The following SEMA3B variants were observed in gnomAD, a reference collection of about 807,000 sequenced individuals.
SEMA3B encodes the protein semaphorin 3B, also known as semaphorin-3B.
In SEMA3B, 71 loss-of-function variants were observed where a neutral mutation model predicts 77.8. The ratio of observed to expected loss-of-function variants is 0.91; its 90% confidence interval spans 0.75 to 1.11. The LOEUF (loss-of-function observed/expected upper bound fraction) is 1.11. SEMA3B is among the 50% of genes most tolerant of loss of function. The probability of loss-of-function intolerance (pLI) is 0.00; values close to 1 mark genes in which losing one functional copy is unlikely to be tolerated. For missense variants in SEMA3B, 968 were observed against 1,056.8 expected (o/e 0.92, Z 1.17); for synonymous variants, 470 against 452.9 (o/e 1.04, Z -0.48).
chr3:50,269,981 C>A lies in SEMA3B; in HGVS notation c.110-146C>A. ...GTGCACCTGGGTGGGCTTGGGTTTG[C>A]GTGTGTAAACTCACACACATGTAAA... is the stretch of plus-strand genomic sequence containing the variant. On this transcript the variant is annotated intron_variant, in intron 1 of 16. Coordinates refer to ENST00000616701, the MANE Select transcript of SEMA3B (RefSeq NM_001290060.2). This position sits in a 1 kb window ranked among gnomAD's most constrained non-coding sequence, Gnocchi z 4.0. 2 of 851,438 alleles carry A rather than the reference C, an allele frequency of 2.3e-6. No homozygotes were observed. Among genetic ancestry groups the A allele is most frequent in the Non-Finnish European group, 3.4e-6 (2 of 585,284 alleles). The allele number at this position is 851,438 out of a possible 1,614,324, so 52.7% of individuals were successfully genotyped here. A position where few individuals can be genotyped will look rare whatever the true frequency, so the allele number is the denominator to read the frequency against.
Position 50,276,268 on chromosome 3 carries a change from G to T in SEMA3B, c.1846-34G>T. 6.9e-7 allele frequency: 1 copy of T among 1,445,718 alleles called. No homozygotes were observed. Among genetic ancestry groups the T allele is most frequent in the South Asian group, 1.4e-5 (1 of 71,152 alleles). The allele number at this position is 1,445,718 out of a possible 1,614,324, so 89.6% of individuals were successfully genotyped here. A position where few individuals can be genotyped will look rare whatever the true frequency, so the allele number is the denominator to read the frequency against. ...GGCCCGGAAGCCCTGTTCCCGGCCC[G>T]ACACCCCCGCCTCACGCTGCCCTCT... On this transcript the variant is annotated intron_variant, in intron 16 of 16. Coordinates refer to ENST00000616701, the MANE Select transcript of SEMA3B (RefSeq NM_001290060.2). The surrounding 1 kb of genome is among the most constrained non-coding windows in gnomAD (Gnocchi z 5.8).
Position 50,271,498 on chromosome 3 carries a change from T to A in SEMA3B, c.664+18T>A. Reference sequence around the variant, plus strand: ...GCTCAATGGTGAGAGGCTGGTGGGGTTGGTGGGTAGAGGTCGTCACCCTCC... The same window carrying A: ...GCTCAATGGTGAGAGGCTGGTGGGGATGGTGGGTAGAGGTCGTCACCCTCC... On this transcript the variant is annotated intron_variant, in intron 6 of 16. Coordinates refer to ENST00000616701, the MANE Select transcript of SEMA3B (RefSeq NM_001290060.2). 6.4e-7 allele frequency: 1 copy of A among 1,554,174 alleles called. No individual in the cohort carries two copies. Among genetic ancestry groups the A allele is most frequent in the Non-Finnish European group, 8.7e-7 (1 of 1,148,790 alleles).
chr3:50,274,972 C>G lies in SEMA3B; in HGVS notation c.1449+38C>G. On this transcript the variant is annotated intron_variant, in intron 12 of 16. Transcript: ENST00000616701. The surrounding 1 kb of genome is among the most constrained non-coding windows in gnomAD (Gnocchi z 4.7). ...CCCCAGTCGCCCGGGACCCCCCCAC[C>G]CCACTAAGCCCTGACCCCGTCGCCC... is the stretch of plus-strand genomic sequence containing the variant. 1.3e-6 allele frequency: 2 copies of G among 1,598,054 alleles called. No homozygotes were observed. The highest frequency in any genetic ancestry group is 1.7e-6 in the Non-Finnish European group (2 of 1,172,472).
upstream of SEMA3B, chr3:50,263,482 A>G (rs1700857149): frequency 6.8e-6 from 1 of 146,002 alleles, no homozygotes; most frequent in Non-Finnish European, 1.5e-5. Context: ...CTGGGTGGCA[A>G]AGCAAGATCC....
Position 50,269,800 on chromosome 3 carries a change from C to G in SEMA3B, c.110-327C>G, listed in dbSNP as rs1238821733. Among the ~76,000 whole-genome samples the G allele has an allele frequency of 1.3e-5, 2 of 152,088 alleles. No individual in the cohort carries two copies. The highest frequency in any genetic ancestry group is 2.9e-5 in the Non-Finnish European group (2 of 68,000). On this transcript the variant is annotated intron_variant, in intron 1 of 16. Transcript: ENST00000616701. The surrounding 1 kb of genome is among the most constrained non-coding windows in gnomAD (Gnocchi z 4.0). ...TGACTTTTGGGAGTTGGGGTTCTGG[C>G]CATCCCTGCATGCCAGTCTCCCCCA...
In SEMA3B at chr3:50,276,804, T is replaced by TG. The variant is rs1475793666; in HGVS notation, c.*103dup. ...AAGGACGGGTTGGGGCCGGGCACAT[T>TG]GGGGGTCACCGGCCGATGGAGACAC... On this transcript the variant is annotated 3_prime_UTR_variant, in exon 17 of 17. Coordinates refer to ENST00000616701, the MANE Select transcript of SEMA3B (RefSeq NM_001290060.2). This position sits in a 1 kb window ranked among gnomAD's most constrained non-coding sequence, Gnocchi z 5.8. 17 of 1,349,326 alleles carry TG rather than the reference T, an allele frequency of 1.3e-5. No homozygotes were observed. In the South Asian group the frequency reaches 1.3e-4, roughly 10 times the overall value. The allele number at this position is 1,349,326 out of a possible 1,614,324, so 83.6% of individuals were successfully genotyped here.
Position 50,273,128 on chromosome 3 carries a change from T to G in SEMA3B, c.665-170T>G. 9.1e-7 allele frequency: 1 copy of G among 1,094,720 alleles called. No individual in the cohort carries two copies. Among genetic ancestry groups the G allele is most frequent in the East Asian group, 2.7e-5 (1 of 37,154 alleles). 67.8% of individuals were successfully genotyped at this position (1,094,720 alleles called of 1,614,324 possible). A position where few individuals can be genotyped will look rare whatever the true frequency, so the allele number is the denominator to read the frequency against. ...TCTTGCCTCGCAGGCCCTGATCCTT[T>G]GGATTCGGTCCGCGCAGAGCGCCAA... On this transcript the variant is annotated intron_variant, in intron 6 of 16. Transcript: ENST00000616701. This position sits in a 1 kb window ranked among gnomAD's most constrained non-coding sequence, Gnocchi z 6.5.
At position 50,271,003 on chromosome 3, in the gene SEMA3B, G is replaced by A. The variant is rs782254357; in HGVS notation, c.444G>A (p.Arg148=). The A allele has an allele frequency of 6.2e-7, 1 of 1,603,166 alleles. No individual in the cohort carries two copies. The highest frequency in any genetic ancestry group is 1.7e-5 in the Admixed American group (1 of 58,178). ...PTCAFVEVGH[R]AEEPVLRLDP... is the part of the protein sequence containing the mutation. ...GTGCCTTTGTGGAAGTGGGCCACCGGGCAGAGGTAAGGCCGGATCTAGGCA... is the reference window on the plus strand; with the variant it reads ...GTGCCTTTGTGGAAGTGGGCCACCGAGCAGAGGTAAGGCCGGATCTAGGCA... Residue 148 remains arginine (R), a synonymous_variant, in exon 4 of 17, where the codon CGG becomes CGA. Transcript: ENST00000616701.
chr3:50,267,379 C>T (rs1553704614), upstream of SEMA3B: 1 of 152,966 alleles, frequency 6.5e-6, no homozygotes, highest in Non-Finnish European at 1.5e-5. This position sits in a 1 kb window ranked among gnomAD's most constrained non-coding sequence, Gnocchi z 5.7. Context: ...GTTTCTTCCT[C>T]CCTTGCCTTG....
Position 50,276,272 on chromosome 3 carries a change from C to G in SEMA3B, c.1846-30C>G. 6.9e-7 allele frequency: 1 copy of G among 1,453,312 alleles called. No individual in the cohort carries two copies. Among genetic ancestry groups the G allele is most frequent in the Non-Finnish European group, 9.0e-7 (1 of 1,106,956 alleles). 90.0% of individuals were successfully genotyped at this position (1,453,312 alleles called of 1,614,324 possible). ...CGGAAGCCCTGTTCCCGGCCCGACACCCCCGCCTCACGCTGCCCTCTGCCC... is the reference window on the plus strand; with the variant it reads ...CGGAAGCCCTGTTCCCGGCCCGACAGCCCCGCCTCACGCTGCCCTCTGCCC... On this transcript the variant is annotated intron_variant, in intron 16 of 16. Transcript: ENST00000616701. This position sits in a 1 kb window ranked among gnomAD's most constrained non-coding sequence, Gnocchi z 5.8.
chr3:50,267,564 T>TACGGC (rs1482494893), upstream of SEMA3B: 34 of 152,412 alleles, frequency 2.2e-4, no homozygotes, highest in African/African-American at 4.1e-4. The surrounding 1 kb of genome is among the most constrained non-coding windows in gnomAD (Gnocchi z 5.7). Context: ...CTCTAAACTT[T>TACGGC]ACGGCACGGC....
Position 50,270,103 on chromosome 3 carries a change from C to T in SEMA3B, c.110-24C>T. On this transcript the variant is annotated intron_variant, in intron 1 of 16. Coordinates refer to ENST00000616701, the MANE Select transcript of SEMA3B (RefSeq NM_001290060.2). The surrounding 1 kb of genome is among the most constrained non-coding windows in gnomAD (Gnocchi z 4.7). The stretch of plus-strand genomic sequence containing the variant: ...GAGGCTTCCAGCATGGCTGGCGAGT[C>T]ATCAGCAGTGTCCTGCCCTGCAGAG... 1 of 1,518,518 alleles carries T rather than the reference C, an allele frequency of 6.6e-7. No individual in the cohort carries two copies. Among genetic ancestry groups the T allele is most frequent in the Non-Finnish European group, 8.8e-7 (1 of 1,130,642 alleles). 94.1% of individuals were successfully genotyped at this position (1,518,518 alleles called of 1,614,324 possible). A position where few individuals can be genotyped will look rare whatever the true frequency, so the allele number is the denominator to read the frequency against.
chr3:50,261,192 C>G, the SEMA3B span: 1 of 152,418 alleles, frequency 6.6e-6, no homozygotes, highest in Non-Finnish European at 1.5e-5. Flanking sequence ...TCCCCAGAGC[C>G]CTCCCAGCCT....
chr3:50,275,718 C>T lies in SEMA3B; in HGVS notation c.1719C>T (p.Pro573=), dbSNP rs782276704. 16 of 1,612,412 alleles carry T rather than the reference C, an allele frequency of 9.9e-6. No individual in the cohort carries two copies. In the South Asian group the frequency reaches 1.6e-4, roughly 17 times the overall value. ...STLCSGDSSR[P]ALLEHKVFGV... is the part of the protein sequence containing the mutation. The stretch of plus-strand genomic sequence containing the variant: ...TCTCGCCCCAAGACTCGTCTCGTCC[C>T]GCGCTGCTGGAACACAAGGTGTTCG... The change falls in exon 16 of 17, where the codon CCC becomes CCT. Residue 573 remains proline, a synonymous_variant. Coordinates refer to ENST00000616701, the MANE Select transcript of SEMA3B (RefSeq NM_001290060.2). This position sits in a 1 kb window ranked among gnomAD's most constrained non-coding sequence, Gnocchi z 7.5.
At chr3:50,264,608 T>C (rs1389974189), upstream of SEMA3B, among the ~76,000 whole-genome samples, 13 of 152,280 alleles carry the variant, frequency 8.5e-5, no homozygotes, top group African/African-American at 3.1e-4. Context: ...CAGAGCCCCA[T>C]ACCCAGTACT....
intron 6 of SEMA3B, 100 bp downstream of exon 6, chr3:50,271,580 G>A: frequency 6.7e-7 from 1 of 1,499,764 alleles, no homozygotes; most frequent in Non-Finnish European, 9.0e-7. Flanking sequence ...GTGTGGCCAG[G>A]TCTTACCAAA....
In SEMA3B at chr3:50,276,571, C is replaced by T; in HGVS notation, c.2115C>T (p.Asn705=). 1.3e-6 allele frequency: 2 copies of T among 1,547,590 alleles called. No homozygotes were observed. The highest frequency in any genetic ancestry group is 8.7e-7 in the Non-Finnish European group (1 of 1,151,884). The change falls in exon 17 of 17, where the codon AAC becomes AAT. Residue 705 remains asparagine, a synonymous_variant. Transcript: ENST00000616701. The surrounding 1 kb of genome is among the most constrained non-coding windows in gnomAD (Gnocchi z 5.8). ...LVEPGGGGSA[N]SLRMCRPQPA... is the part of the protein sequence containing the mutation. The stretch of plus-strand genomic sequence containing the variant: ...AGCCGGGCGGAGGTGGCAGCGCGAA[C>T]TCCCTGCGCATGTGCCGCCCGCAGC...
upstream of SEMA3B, chr3:50,268,892 A>C: frequency 3.4e-6 from 1 of 297,176 alleles, no homozygotes; most frequent in East Asian, 9.0e-5. Flanking sequence ...CACATTGTGA[A>C]TTAATGTCTG....
chr3:50,270,057 A>C lies in SEMA3B; in HGVS notation c.110-70A>C. The stretch of plus-strand genomic sequence containing the variant: ...AATGGCAACCTTGGCCGATAGAGTC[A>C]CCACCAGGCAGGACCTGGGGGAGGC... On this transcript the variant is annotated intron_variant, in intron 1 of 16. Transcript: ENST00000616701. This position sits in a 1 kb window ranked among gnomAD's most constrained non-coding sequence, Gnocchi z 4.7. 7.0e-7 allele frequency: 1 copy of C among 1,438,822 alleles called. No homozygotes were observed. Among genetic ancestry groups the C allele is most frequent in the Non-Finnish European group, 9.2e-7 (1 of 1,088,756 alleles). 89.1% of individuals were successfully genotyped at this position (1,438,822 alleles called of 1,614,324 possible).
Sources: allele counts gnomAD v4.1 joint callset (sites outside exome capture counted in the v4.1 genomes callset), GRCh38; gene constraint gnomAD v4.1.1; non-coding constraint Gnocchi (gnomAD v3.1); transcripts MANE v1.5; gene names NCBI Gene and HGNC (gene_info 2026-07-23, HGNC 2026-07-21).